CNTNAP2: variants seen among roughly 807,000 people sequenced by gnomAD.
CNTNAP2 encodes contactin associated protein 2, also known as contactin-associated protein-like 2.
Under a neutral mutation model 155.2 loss-of-function variants are expected in CNTNAP2, and 98 were observed. That is an observed-to-expected ratio of 0.63 (90% confidence interval 0.54 to 0.75). The LOEUF (loss-of-function observed/expected upper bound fraction) is 0.75. CNTNAP2 is among the 30% of genes least tolerant of loss of function. CNTNAP2 has a pLI of 0.00. For missense variants in CNTNAP2, 1,727 were observed against 1,688.1 expected, an observed-to-expected ratio of 1.02 and a Z score of -0.40; for synonymous variants, 651 against 631.2, an observed-to-expected ratio of 1.03 and a Z score of -0.47.
At position 146,502,682 on chromosome 7, in the gene CNTNAP2, G is replaced by A. The variant is rs62503559; in HGVS notation, c.98-271589G>A. On this transcript the variant is annotated intron_variant, in intron 1 of 23. Coordinates refer to ENST00000361727, the MANE Select transcript of CNTNAP2 (RefSeq NM_014141.6). ...GCTGGAGTGCAATGGCGCAATCTAGGCTTACTGCAACCTCTCCCTCCCAGG... is the reference window on the plus strand; with the variant it reads ...GCTGGAGTGCAATGGCGCAATCTAGACTTACTGCAACCTCTCCCTCCCAGG... 2.6e-5 allele frequency among the ~76,000 whole-genome samples: 4 copies of A among 152,050 alleles called. No homozygotes were observed. The South Asian group carries it at 8.3e-4, about 32-fold the overall frequency.
intron 1 of CNTNAP2, among the ~76,000 whole-genome samples, chr7:146,146,215 A>T (rs116495081): frequency 0.015 from 2,246 of 152,264 alleles, 63 homozygotes; most frequent in African/African-American, 0.051. Flanking sequence ...CACTTGGACT[A>T]AATGTTCAGA....
chr7:146,332,262 T>G (rs546718099), intron 1 of CNTNAP2, among the ~76,000 whole-genome samples: 22 of 152,010 alleles, frequency 1.4e-4, no homozygotes, highest in Admixed American at 2.6e-4. Context: ...TATTTTTATC[T>G]TGGGATTGTT....
At chr7:147,393,483 C>CA (rs753538177) in intron 9 of CNTNAP2, among the ~76,000 whole-genome samples, 6,514 of 89,102 alleles carry the variant, frequency 0.073, 328 homozygotes, top group Admixed American at 0.2. Context: ...CCCAATTATT[C>CA]AAAAAAAAAA....
At chr7:147,575,108 TG>T (rs1455809882) in intron 12 of CNTNAP2, among the ~76,000 whole-genome samples, 19 of 21,788 alleles carry the variant, frequency 8.7e-4, no homozygotes, top group African/African-American at 4.4e-3. Context: ...TTGTGGGAAA[TG>T]TGTGTGTGTG....
At chr7:146,696,012 T>A (rs1800775867) in intron 1 of CNTNAP2, among the ~76,000 whole-genome samples, 1 of 152,124 alleles carries the variant, frequency 6.6e-6, no homozygotes, top group South Asian at 2.1e-4. Context: ...TCTTAACAGA[T>A]CTTAGTCTGG....
chr7:147,268,656 T>C (rs1804670823), intron 8 of CNTNAP2, among the ~76,000 whole-genome samples: 1 of 152,252 alleles, frequency 6.6e-6, no homozygotes, highest in African/African-American at 2.4e-5. Flanking sequence ...ACTGACAGCA[T>C]TATAATGATA....
At chr7:146,667,894 A>C (rs556403711) in intron 1 of CNTNAP2, among the ~76,000 whole-genome samples, 2 of 152,126 alleles carry the variant, frequency 1.3e-5, no homozygotes, top group African/African-American at 4.8e-5. Context: ...AGGTTTTTCT[A>C]TATATAGGAT....
intron 8 of CNTNAP2, among the ~76,000 whole-genome samples, chr7:147,258,890 TC>T (rs1433678981): frequency 6.6e-6 from 1 of 152,210 alleles, no homozygotes; most frequent in African/African-American, 2.4e-5. Context: ...TTCCCTTTTC[TC>T]AATCTGGATT....
rs529948664 is a variant in CNTNAP2, at chr7:147,095,289, G to A, written c.551-12858G>A. On this transcript the variant is annotated intron_variant, in intron 4 of 23. Coordinates refer to ENST00000361727, the MANE Select transcript of CNTNAP2 (RefSeq NM_014141.6). ...TACCTGAAATGATCCTCCCACCTCG[G>A]CCTCCCAAAGTGCTGGGATTTCAGG... Among the ~76,000 whole-genome samples, 30 of 150,862 alleles carry A rather than the reference G, an allele frequency of 2.0e-4. No individual in the cohort carries two copies. The East Asian group carries it at 5.1e-3, about 26-fold the overall frequency.
rs1362179783 is a variant in CNTNAP2, at chr7:148,410,065, A to AAAAAAG, written c.3796+597_3796+598insAAGAAA. On this transcript the variant is annotated intron_variant, in intron 23 of 23. Coordinates refer to ENST00000361727, the MANE Select transcript of CNTNAP2 (RefSeq NM_014141.6). ...GACTCCGTCTCAAAAAAAAAAAAAAAAAAGAAAGAAAGAAAGAATATAGTA... is the reference window on the plus strand; with the variant it reads ...GACTCCGTCTCAAAAAAAAAAAAAAAAAAAAGAAAGAAAGAAAGAAAGAATATAGTA... Among the ~76,000 whole-genome samples, 11 of 59,190 alleles carry AAAAAAG rather than the reference A, an allele frequency of 1.9e-4. 1 individual carries two copies. Among genetic ancestry groups the AAAAAAG allele is most frequent in the African/African-American group, 7.8e-4 (10 of 12,884 alleles). The allele number at this position is 59,190 out of a possible 152,430, so 38.8% of individuals were successfully genotyped here.
At chr7:147,771,105 A>T (rs1213732750) in intron 13 of CNTNAP2, among the ~76,000 whole-genome samples, 1 of 152,206 alleles carries the variant, frequency 6.6e-6, no homozygotes, top group Non-Finnish European at 1.5e-5. Context: ...TACAGTAAAA[A>T]TAACTATGTT....
chr7:146,278,729 G>T (rs1189881591), intron 1 of CNTNAP2, among the ~76,000 whole-genome samples: 1 of 152,126 alleles, frequency 6.6e-6, no homozygotes, highest in Non-Finnish European at 1.5e-5. Context: ...ACCTTATTTT[G>T]TAGTGATGCA....
chr7:148,303,993 T>C (rs1466600696), intron 21 of CNTNAP2, among the ~76,000 whole-genome samples: 1 of 152,234 alleles, frequency 6.6e-6, no homozygotes, highest in Admixed American at 6.5e-5. Flanking sequence ...TTTAGCGAAC[T>C]CTTTGAAGTT....
At chr7:146,351,924 A>G (rs1326378294) in intron 1 of CNTNAP2, among the ~76,000 whole-genome samples, 2 of 152,200 alleles carry the variant, frequency 1.3e-5, no homozygotes, top group Middle Eastern at 3.2e-3. Flanking sequence ...GTTTTAAAAC[A>G]ACATAACGTA....
intron 1 of CNTNAP2, among the ~76,000 whole-genome samples, chr7:146,755,000 G>T (rs940893704): frequency 6.6e-6 from 1 of 151,828 alleles, no homozygotes; most frequent in Non-Finnish European, 1.5e-5. Context: ...TGCCTCCATT[G>T]TATATGGATT....
intron 20 of CNTNAP2, among the ~76,000 whole-genome samples, chr7:148,241,168 T>C (rs1585210621): frequency 6.6e-6 from 1 of 152,236 alleles, no homozygotes; most frequent in African/African-American, 2.4e-5. Context: ...ATTTCTAAAA[T>C]TGGAGTAAGT....
chr7:147,640,375 G>A (rs1192261658), intron 13 of CNTNAP2, among the ~76,000 whole-genome samples: 1 of 152,098 alleles, frequency 6.6e-6, no homozygotes, highest in Non-Finnish European at 1.5e-5. Flanking sequence ...CTGTCAAGGA[G>A]AAATTATAAT....
chr7:148,320,376 C>CT (rs67424217), intron 21 of CNTNAP2, among the ~76,000 whole-genome samples: 860 of 63,134 alleles, frequency 0.014, 24 homozygotes, highest in African/African-American at 0.028. Flanking sequence ...ATTTTTTTTT[C>CT]TTTTTTTTTT....
Position 146,502,205 on chromosome 7 carries a change from TTG to T in CNTNAP2, c.98-272058_98-272057del, listed in dbSNP as rs1246649725. ...ATTTTTATGGCTAAATAATATTCCA[TTG>T]TGTGTGTATATATATGAATATATAT... On this transcript the variant is annotated intron_variant, in intron 1 of 23. Coordinates refer to ENST00000361727, the MANE Select transcript of CNTNAP2 (RefSeq NM_014141.6). Among the ~76,000 whole-genome samples the T allele has an allele frequency of 2.6e-5, 3 of 114,670 alleles. No homozygotes were observed. In the South Asian group the frequency reaches 7.6e-4, roughly 29 times the overall value. 75.2% of individuals were successfully genotyped at this position (114,670 alleles called of 152,430 possible).
Sources: allele counts gnomAD v4.1 joint callset (sites outside exome capture counted in the v4.1 genomes callset), GRCh38; gene constraint gnomAD v4.1.1; transcripts MANE v1.5; gene names NCBI Gene and HGNC (gene_info 2026-07-23, HGNC 2026-07-21).